Variants in COPG2 observed in about 807,000 individuals in gnomAD.
The protein encoded by COPG2 is coat protein complex I subunit gamma 2.
Under a neutral mutation model 46.3 loss-of-function variants are expected in COPG2, and 37 were observed. The observed-to-expected ratio is 0.80, with a 90% CI of 0.61 to 1.05. COPG2 has a LOEUF of 1.05. Among genes scored for constraint, COPG2 ranks in the 50% least tolerant of loss-of-function variants. The pLI is 0.00. For synonymous variants in COPG2, 159 were observed against 129.7 expected, an observed-to-expected ratio of 1.23 and a Z score of -1.53; for missense variants, 427 against 387.8, an observed-to-expected ratio of 1.10 and a Z score of -0.85.
At chr7:130,651,292 A>G (rs1795733377) in intron 5 of COPG2, among the ~76,000 whole-genome samples, 1 of 151,820 alleles carries the variant, frequency 6.6e-6, no homozygotes, top group African/African-American at 2.4e-5. Flanking sequence ...TATAACTTCT[A>G]TCCACATTTT....
At chr7:130,610,019 A>G (rs914141861) in intron 9 of COPG2, 9 of 508,540 alleles carry the variant, frequency 1.8e-5, no homozygotes, top group Non-Finnish European at 3.5e-5. Context: ...TAATTTCTAA[A>G]GTCACTGCCT....
intron 9 of COPG2, among the ~76,000 whole-genome samples, chr7:130,610,315 TC>T (rs782427179): frequency 6.6e-6 from 1 of 152,208 alleles, no homozygotes; most frequent in Non-Finnish European, 1.5e-5. Flanking sequence ...AGATCAGGTT[TC>T]CCCTTTCAGC....
At chr7:130,530,908 C>T (rs1799818493) in intron 20 of COPG2, among the ~76,000 whole-genome samples, 1 of 151,638 alleles carries the variant, frequency 6.6e-6, no homozygotes, top group Non-Finnish European at 1.5e-5. Context: ...CTCAGAGCAG[C>T]CTGCAAGGTT....
intron 5 of COPG2, among the ~76,000 whole-genome samples, chr7:130,619,711 T>C (rs1404886372): frequency 1.5e-4 from 23 of 152,356 alleles, no homozygotes; most frequent in African/African-American, 5.5e-4. Flanking sequence ...CAATGCTTAA[T>C]TTTATTTTTC....
intron 5 of COPG2, 38 bp downstream of exon 5, chr7:130,652,831 T>C (rs782004050): frequency 1.0e-5 from 13 of 1,290,696 alleles, no homozygotes; most frequent in Non-Finnish European, 1.4e-5. Flanking sequence ...ACAGCAAATA[T>C]ATAAGTATCT....
intron 23 of COPG2, 29 bp downstream of exon 23, chr7:130,507,245 G>A: frequency 1.3e-6 from 1 of 780,228 alleles, no homozygotes. Flanking sequence ...GCAAGAAAAT[G>A]GAAGGAAAAT....
At chr7:130,610,117 T>C (rs374439445) in intron 9 of COPG2, 41 of 519,274 alleles carry the variant, frequency 7.9e-5, no homozygotes, top group Non-Finnish European at 1.4e-4. Flanking sequence ...TCACTGCCTC[T>C]GTATTTTTTG....
At chr7:130,590,710 G>A (rs1266206180) in intron 9 of COPG2, among the ~76,000 whole-genome samples, 2 of 151,952 alleles carry the variant, frequency 1.3e-5, no homozygotes, top group South Asian at 4.2e-4. Context: ...TCTCTGCCTG[G>A]CCGCCCATCG....
chr7:130,587,186 A>G (rs1245953658), intron 9 of COPG2, among the ~76,000 whole-genome samples: 3 of 151,944 alleles, frequency 2.0e-5, no homozygotes, highest in African/African-American at 7.2e-5. Flanking sequence ...GCATGCCTGT[A>G]ATCCCAGCTA....
At chr7:130,564,115 CT>C (rs1487651918) in intron 10 of COPG2, 144 bp downstream of exon 10, 2 of 395,576 alleles carry the variant, frequency 5.1e-6, no homozygotes, top group Admixed American at 8.8e-5. Context: ...AATAAACTAT[CT>C]ACATATAAGC....
intron 5 of COPG2, among the ~76,000 whole-genome samples, chr7:130,649,274 C>G (rs143162490): frequency 7.9e-5 from 12 of 152,276 alleles, no homozygotes; most frequent in Non-Finnish European, 1.8e-4. Flanking sequence ...TTTTCCTGAC[C>G]GTGAAACTCC....
At chr7:130,657,343 G>A (rs932433092) in intron 4 of COPG2, among the ~76,000 whole-genome samples, 4 of 152,038 alleles carry the variant, frequency 2.6e-5, no homozygotes, top group Non-Finnish European at 5.9e-5. Flanking sequence ...GAGAAAAGAG[G>A]TGAAAAGAAA....
chr7:130,523,032 T>C (rs896774173), intron 20 of COPG2, among the ~76,000 whole-genome samples: 1 of 147,212 alleles, frequency 6.8e-6, no homozygotes, highest in African/African-American at 2.5e-5. Context: ...GGCAGGAGAA[T>C]TGCTTGAAGT....
chr7:130,596,887 C>T (rs1465824038), intron 9 of COPG2, among the ~76,000 whole-genome samples: 2 of 152,236 alleles, frequency 1.3e-5, no homozygotes, highest in East Asian at 1.9e-4. Context: ...CTATGGGTAA[C>T]TCTCTTTTAG....
At chr7:130,571,718 C>T (rs918860047) in intron 9 of COPG2, among the ~76,000 whole-genome samples, 1 of 152,088 alleles carries the variant, frequency 6.6e-6, no homozygotes, top group Non-Finnish European at 1.5e-5. Flanking sequence ...GAAAAGAAGT[C>T]ATTATATGAA....
At chr7:130,666,983 T>C (rs1336414555) in intron 2 of COPG2, 54 bp from the exon 3 acceptor site, 1 of 943,914 alleles carries the variant, frequency 1.1e-6, no homozygotes, top group East Asian at 2.5e-5. Flanking sequence ...TATCACAGAT[T>C]ATAGCAAATC....
At position 130,599,879 on chromosome 7, in the gene COPG2, T is replaced by C. The variant is rs532322258; in HGVS notation, c.737+11074A>G. ...ATGTGGTCATTATAAGGGTGTTTCA[T>C]AGCAACTGTATATATTGGACACACA... is the stretch of plus-strand genomic sequence containing the variant. On this transcript the variant is annotated intron_variant, in intron 9 of 23. Transcript: ENST00000425248. Among the ~76,000 whole-genome samples, 4 of 152,324 alleles carry C rather than the reference T, an allele frequency of 2.6e-5. No individual in the cohort carries two copies. The South Asian group carries it at 6.2e-4, about 24-fold the overall frequency.
intron 20 of COPG2, among the ~76,000 whole-genome samples, chr7:130,518,423 C>T (rs1324664684): frequency 2.0e-5 from 3 of 152,106 alleles, no homozygotes; most frequent in African/African-American, 7.2e-5. Context: ...GAGAGAGCAA[C>T]TGGAGAGCAT....
At chr7:130,653,575 G>A (rs1795792091) in intron 4 of COPG2, among the ~76,000 whole-genome samples, 1 of 152,152 alleles carries the variant, frequency 6.6e-6, no homozygotes, top group Non-Finnish European at 1.5e-5. Context: ...ATCCAAGTAA[G>A]TACTAAGCTA....
Sources: allele counts gnomAD v4.1 joint callset (sites outside exome capture counted in the v4.1 genomes callset), GRCh38; gene constraint gnomAD v4.1.1; transcripts MANE v1.5; gene names NCBI Gene and HGNC (gene_info 2026-07-23, HGNC 2026-07-21).